SLC35F1: variants seen among roughly 807,000 people sequenced by gnomAD.
SLC35F1 encodes chromosome 6 open reading frame 169.
SLC35F1 carries 14 observed loss-of-function variants against 48.7 expected under a neutral mutation model. The observed-to-expected ratio is 0.29, with a 90% CI of 0.19 to 0.45. SLC35F1 has a LOEUF of 0.45. SLC35F1 is among the 20% of genes least tolerant of loss of function. The pLI is 1.00. For missense variants in SLC35F1, 404 were observed against 500.0 expected (o/e 0.81, Z 1.83); for synonymous variants, 190 against 202.2 (o/e 0.94, Z 0.51).
intron 1 of SLC35F1, among the ~76,000 whole-genome samples, chr6:118,140,882 GTATA>G (rs55897642): frequency 0.3 from 45,811 of 151,884 alleles, 8,542 homozygotes; most frequent in Non-Finnish European, 0.43. Flanking sequence ...TATAGAATAA[GTATA>G]TAAAGAAAAT....
chr6:118,036,707 G>A (rs1281877849), intron 1 of SLC35F1, among the ~76,000 whole-genome samples: 1 of 152,214 alleles, frequency 6.6e-6, no homozygotes, highest in East Asian at 1.9e-4. Flanking sequence ...ACAGGTGCAT[G>A]CCACCATACC....
intron 2 of SLC35F1, among the ~76,000 whole-genome samples, chr6:118,228,264 T>G (rs971247608): frequency 6.6e-6 from 1 of 151,868 alleles, no homozygotes; most frequent in Non-Finnish European, 1.5e-5. Flanking sequence ...TAGATTTTCT[T>G]TTTTATATAA....
At chr6:118,142,363 T>C (rs2114445374) in intron 1 of SLC35F1, among the ~76,000 whole-genome samples, 1 of 152,316 alleles carries the variant, frequency 6.6e-6, no homozygotes, top group African/African-American at 2.4e-5. Context: ...CAGATTAACA[T>C]ATCAAGTCTT....
chr6:117,932,819 A>G (rs1776119039), intron 1 of SLC35F1, among the ~76,000 whole-genome samples: 1 of 152,124 alleles, frequency 6.6e-6, no homozygotes, highest in Admixed American at 6.5e-5. Flanking sequence ...CTGACCCAAG[A>G]GACATGCACA....
chr6:117,954,337 C>T (rs1025577354), intron 1 of SLC35F1, among the ~76,000 whole-genome samples: 4 of 152,110 alleles, frequency 2.6e-5, no homozygotes, highest in South Asian at 2.1e-4. Context: ...CTCCCTGCAA[C>T]GTCCACCTCC....
chr6:118,277,417 G>T (rs1401397810), intron 5 of SLC35F1, 77 bp from the exon 6 acceptor site: 14 of 1,277,324 alleles, frequency 1.1e-5, no homozygotes, highest in Admixed American at 3.5e-5. Flanking sequence ...TCTGATAAGT[G>T]GGGGGGAAAA....
In SLC35F1 at chr6:118,082,278, A is replaced by G. The variant is rs896682916; in HGVS notation, c.174-72167A>G. 2.0e-5 allele frequency among the ~76,000 whole-genome samples: 3 copies of G among 152,218 alleles called. No individual in the cohort carries two copies. In the East Asian group the frequency reaches 5.8e-4, roughly 29 times the overall value. ...TAAATGATTGTTTACAGATAAGAAC[A>G]AAGTTTAGTTTTAAAGATGCCCCAA... is the stretch of plus-strand genomic sequence containing the variant. On this transcript the variant is annotated intron_variant, in intron 1 of 7. Coordinates refer to ENST00000360388, the MANE Select transcript of SLC35F1 (RefSeq NM_001029858.4).
At chr6:118,062,900 A>G (rs1772560961) in intron 1 of SLC35F1, among the ~76,000 whole-genome samples, 3 of 152,192 alleles carry the variant, frequency 2.0e-5, no homozygotes, top group Non-Finnish European at 4.4e-5. Context: ...AAAAAGAAAT[A>G]GAGCAAGATA....
At chr6:118,190,504 T>G (rs529023777) in intron 2 of SLC35F1, among the ~76,000 whole-genome samples, 86 of 152,076 alleles carry the variant, frequency 5.7e-4, no homozygotes, top group Non-Finnish European at 1.2e-3. Flanking sequence ...TTAAAAAAAC[T>G]TGGGGCCTTA....
At chr6:118,185,003 C>T (rs546964576) in intron 2 of SLC35F1, among the ~76,000 whole-genome samples, 1 of 152,280 alleles carries the variant, frequency 6.6e-6, no homozygotes, top group East Asian at 1.9e-4. Context: ...CTGCATAGCT[C>T]CTTCTTGTCC....
At chr6:118,076,644 G>T (rs1024868367) in intron 1 of SLC35F1, among the ~76,000 whole-genome samples, 1 of 152,148 alleles carries the variant, frequency 6.6e-6, no homozygotes, top group Non-Finnish European at 1.5e-5. Flanking sequence ...CCTCCCACCA[G>T]GCGTCTCTTT....
At chr6:118,281,204 C>CTCTCTATATATATA (rs367855949) in intron 6 of SLC35F1, among the ~76,000 whole-genome samples, 1 of 130,486 alleles carries the variant, frequency 7.7e-6, no homozygotes, top group Non-Finnish European at 1.6e-5. Flanking sequence ...CTCTCTCTCT[C>CTCTCTATATATATA]TATATATATA....
At chr6:118,059,128 C>T (rs1025351825) in intron 1 of SLC35F1, among the ~76,000 whole-genome samples, 31 of 152,186 alleles carry the variant, frequency 2.0e-4, no homozygotes, top group African/African-American at 7.0e-4. Context: ...GTATTCACTG[C>T]AACAGAACAG....
chr6:118,081,516 T>C (rs574289067), intron 1 of SLC35F1, among the ~76,000 whole-genome samples: 1 of 152,110 alleles, frequency 6.6e-6, no homozygotes, highest in Non-Finnish European at 1.5e-5. Context: ...GCACCTGTAG[T>C]CCCAGCTACT....
chr6:117,917,504 G>T lies in SLC35F1; in HGVS notation c.173+9605G>T, dbSNP rs889851007. Among the ~76,000 whole-genome samples, 3 of 151,950 alleles carry T rather than the reference G, an allele frequency of 2.0e-5. 1 individual carries two copies. Among genetic ancestry groups the T allele is most frequent in the Admixed American group, 2.0e-4 (3 of 15,238 alleles). On this transcript the variant is annotated intron_variant, in intron 1 of 7. Transcript: ENST00000360388. The stretch of plus-strand genomic sequence containing the variant: ...GTTGTGATCTGCAGTGGTTTGCACT[G>T]GGAGGTGGAGTACACAGGACTGGTT...
At chr6:117,972,233 T>C (rs2114843862) in intron 1 of SLC35F1, among the ~76,000 whole-genome samples, 1 of 152,278 alleles carries the variant, frequency 6.6e-6, no homozygotes, top group African/African-American at 2.4e-5. Flanking sequence ...AAACTCCACA[T>C]CTCCTTATGA....
intron 2 of SLC35F1, among the ~76,000 whole-genome samples, chr6:118,190,203 C>G (rs980071636): frequency 6.6e-6 from 1 of 152,162 alleles, no homozygotes; most frequent in Non-Finnish European, 1.5e-5. Context: ...CACTGGGAAA[C>G]AGTAGAACAG....
intron 6 of SLC35F1, among the ~76,000 whole-genome samples, chr6:118,282,787 T>C (rs994625131): frequency 1.6e-4 from 25 of 152,090 alleles, no homozygotes; most frequent in Non-Finnish European, 8.8e-5. Flanking sequence ...CATCAGTCTA[T>C]CACCAGGGCT....
chr6:117,939,147 G>A (rs1174942613), intron 1 of SLC35F1, among the ~76,000 whole-genome samples: 1 of 151,656 alleles, frequency 6.6e-6, no homozygotes, highest in South Asian at 2.1e-4. Flanking sequence ...CTACAGGCAC[G>A]CATCACCACA....
Sources: allele counts gnomAD v4.1 joint callset (sites outside exome capture counted in the v4.1 genomes callset), GRCh38; gene constraint gnomAD v4.1.1; transcripts MANE v1.5; gene names NCBI Gene and HGNC (gene_info 2026-07-23, HGNC 2026-07-21).